The following URB1 variants were observed in gnomAD, a reference collection of about 807,000 sequenced individuals.
URB1 encodes nucleolar pre-ribosomal-associated protein 1.
In URB1, 197 loss-of-function variants were observed where a neutral mutation model predicts 242.3. The observed-to-expected ratio is 0.81, with a 90% CI of 0.72 to 0.91. The LOEUF (loss-of-function observed/expected upper bound fraction) is 0.91, where lower values mean the gene tolerates loss of function less well. Ranked by LOEUF, URB1 falls within the 40% of genes least tolerant of loss-of-function variation. URB1 has a pLI of 0.00. For missense variants in URB1, 2,721 were observed against 2,860.5 expected, an observed-to-expected ratio of 0.95 and a Z score of 1.11; for synonymous variants, 1,153 against 1,201.8, an observed-to-expected ratio of 0.96 and a Z score of 0.84.
intron 20 of URB1, among the ~76,000 whole-genome samples, chr21:32,350,439 G>C (rs1297569754): frequency 6.6e-6 from 1 of 152,230 alleles, no homozygotes; most frequent in African/African-American, 2.4e-5. Flanking sequence ...AGGCCCGGCA[G>C]GGCTGCCAAC....
chr21:32,316,243 G>T (rs530162434), intron 38 of URB1, among the ~76,000 whole-genome samples: 35 of 152,314 alleles, frequency 2.3e-4, no homozygotes, highest in African/African-American at 8.2e-4. Flanking sequence ...AGCACCAAAG[G>T]TTTCCCCTGC....
chr21:32,354,840 A>C lies in URB1; in HGVS notation c.2245+19T>G, dbSNP rs1376492114. ...TGGTCTTCAGACCTCTGAGCAGCGC[A>C]GAACAGAATGGAACATACCGTCAAT... On this transcript the variant is annotated intron_variant, in intron 17 of 38. Transcript: ENST00000382751. 5 of 1,551,358 alleles carry C rather than the reference A, an allele frequency of 3.2e-6. No individual in the cohort carries two copies. Among genetic ancestry groups the C allele is most frequent in the Non-Finnish European group, 4.4e-6 (5 of 1,146,556 alleles).
At chr21:32,325,899 G>GCAACCCTAGCTCTTCCTT (rs1205724172) in intron 30 of URB1, among the ~76,000 whole-genome samples, 9 of 152,204 alleles carry the variant, frequency 5.9e-5, no homozygotes, top group Non-Finnish European at 1.0e-4. Flanking sequence ...CACCCACTCT[G>GCAACCCTAGCTCTTCCTT]CAACCCTAGC....
chr21:32,357,738 T>G, intron 14 of URB1, 82 bp from the exon 15 acceptor site: 4 of 1,101,142 alleles, frequency 3.6e-6, no homozygotes, highest in Non-Finnish European at 4.5e-6. Context: ...ATTAGAAACA[T>G]ACCATGGGGC....
chr21:32,349,420 C>A lies in URB1; in HGVS notation c.2896G>T (p.Val966Phe). The change falls in exon 21 of 39, where the codon GTC (valine) becomes TTC (phenylalanine). Residue 966 changes from valine (V) to phenylalanine (F), a missense_variant. Transcript: ENST00000382751. ...LFLDLLRRLV[V>F]HCEQLDAQNQ... ...TGGGCATCCAGCTGCTCACAGTGGACAACCAGGCGCCTGAGGAGATCCAGG... is the reference window on the plus strand; with the variant it reads ...TGGGCATCCAGCTGCTCACAGTGGAAAACCAGGCGCCTGAGGAGATCCAGG... 6.4e-7 allele frequency: 1 copy of A among 1,551,448 alleles called. No homozygotes were observed. Among genetic ancestry groups the A allele is most frequent in the Non-Finnish European group, 8.7e-7 (1 of 1,146,954 alleles).
chr21:32,311,423 CA>C lies in URB1; in HGVS notation c.*3494del. Reference sequence around the variant, plus strand: ...GCTCCCCTCCACCCCCCACCCCCCCCATCCTAAATCAATGTAGGAAGAAGTG... The same window carrying C: ...GCTCCCCTCCACCCCCCACCCCCCCCTCCTAAATCAATGTAGGAAGAAGTG... On this transcript the variant is annotated 3_prime_UTR_variant, in exon 39 of 39. Transcript: ENST00000382751. 1 of 292,250 alleles carries C rather than the reference CA, an allele frequency of 3.4e-6. No individual in the cohort carries two copies. Among genetic ancestry groups the C allele is most frequent in the South Asian group, 1.1e-4 (1 of 9,030 alleles). The allele number at this position is 292,250 out of a possible 1,614,324, so 18.1% of individuals were successfully genotyped here. A position where few individuals can be genotyped will look rare whatever the true frequency, so the allele number is the denominator to read the frequency against.
chr21:32,353,076 G>C (rs2033176816), intron 18 of URB1, among the ~76,000 whole-genome samples, 170 bp from the exon 19 acceptor site: 1 of 152,152 alleles, frequency 6.6e-6, no homozygotes, highest in African/African-American at 2.4e-5. Flanking sequence ...GACTGTACTA[G>C]GCTCTGTTTT....
chr21:32,333,484 T>G (rs1207244329), intron 29 of URB1, 65 bp from the exon 30 acceptor site: 2 of 1,251,948 alleles, frequency 1.6e-6, no homozygotes, highest in Non-Finnish European at 2.2e-6. Flanking sequence ...AGGTTGAGTA[T>G]CTCTTATCTG....
chr21:32,339,351 A>C (rs2033000957), intron 25 of URB1, among the ~76,000 whole-genome samples: 1 of 152,162 alleles, frequency 6.6e-6, no homozygotes, highest in Admixed American at 6.5e-5. Context: ...AGAATTTTGC[A>C]GCAAATACCC....
chr21:32,328,046 A>G (rs892509947), intron 30 of URB1, among the ~76,000 whole-genome samples: 1 of 152,256 alleles, frequency 6.6e-6, no homozygotes, highest in Non-Finnish European at 1.5e-5. Context: ...CCCATTTTCA[A>G]TATCAAGACA....
At chr21:32,317,197 G>T in intron 37 of URB1, 132 bp from the exon 38 acceptor site, 1 of 1,269,900 alleles carries the variant, frequency 7.9e-7, no homozygotes. Flanking sequence ...CTGCTCCCAC[G>T]TCAGGAGCCT....
chr21:32,317,746 A>G lies in URB1; in HGVS notation c.5964T>C (p.Ile1988=), dbSNP rs373742844. 6.4e-6 allele frequency: 10 copies of G among 1,551,698 alleles called. No individual in the cohort carries two copies. The highest frequency in any genetic ancestry group is 8.7e-6 in the Non-Finnish European group (10 of 1,147,028). Residue 1988 remains isoleucine (I), a synonymous_variant, in exon 37 of 39, where the codon ATT becomes ATC. Coordinates refer to ENST00000382751, the MANE Select transcript of URB1 (RefSeq NM_014825.3). ...VLVLLHKWSL[I]ERDLKLQEDL... ...CTTCCTGGAGCTTGAGGTCTCTTTC[A>G]ATGAGGCTCCACTTGTGCAAGAGGA... is the stretch of plus-strand genomic sequence containing the variant.
chr21:32,330,789 G>A (rs1174205141), intron 30 of URB1, among the ~76,000 whole-genome samples: 1 of 152,206 alleles, frequency 6.6e-6, no homozygotes, highest in Non-Finnish European at 1.5e-5. Flanking sequence ...GGGCAATTAA[G>A]ATATCCATTT....
chr21:32,350,991 C>T (rs2123584448), intron 19 of URB1, 69 bp from the exon 20 acceptor site: 1 of 1,433,988 alleles, frequency 7.0e-7, no homozygotes, highest in East Asian at 2.5e-5. Context: ...GTCATAGGCA[C>T]AGGTAACACA....
chr21:32,386,414 A>G (rs930121475), intron 1 of URB1, among the ~76,000 whole-genome samples: 8 of 152,202 alleles, frequency 5.3e-5, no homozygotes, highest in African/African-American at 7.2e-5. Context: ...GACTATGCCA[A>G]TGCCTTGATC....
At chr21:32,322,154 G>A (rs2032774815) in intron 33 of URB1, among the ~76,000 whole-genome samples, 1 of 152,134 alleles carries the variant, frequency 6.6e-6, no homozygotes, top group Admixed American at 6.5e-5. Context: ...AAATACTGAA[G>A]TCAGATAAGT....
Position 32,373,721 on chromosome 21 carries a change from C to T in URB1, c.802G>A (p.Gly268Arg). ...GATGCTATGTGGTTCAATAACTGCCCCGTAAAGAAACGCACCTTCTGGGTT... is the reference window on the plus strand; with the variant it reads ...GATGCTATGTGGTTCAATAACTGCCTCGTAAAGAAACGCACCTTCTGGGTT... ...TKTQKVRFFT[G>R]QLLNHIASLY... The change falls in exon 7 of 39, where the codon GGG becomes AGG. Residue 268 changes from glycine to arginine, a missense_variant. Coordinates refer to ENST00000382751, the MANE Select transcript of URB1 (RefSeq NM_014825.3). The T allele has an allele frequency of 6.5e-7, 1 of 1,548,556 alleles. No individual in the cohort carries two copies. The highest frequency in any genetic ancestry group is 8.7e-7 in the Non-Finnish European group (1 of 1,145,912).
chr21:32,345,924 G>A (rs1163417754), intron 22 of URB1, among the ~76,000 whole-genome samples: 1 of 152,190 alleles, frequency 6.6e-6, no homozygotes, highest in Admixed American at 6.5e-5. Context: ...AATAGGGAGG[G>A]TAGCTGCTAT....
intron 20 of URB1, 108 bp downstream of exon 20, chr21:32,350,596 T>G: frequency 2.3e-6 from 3 of 1,288,548 alleles, no homozygotes; most frequent in Non-Finnish European, 3.2e-6. Context: ...GCCTCTGCAG[T>G]GAGTTCCAGG....
Sources: gnomAD v4.1 joint callset for allele counts (sites outside exome capture counted in the v4.1 genomes callset) on GRCh38, gnomAD v4.1.1 for gene constraint, MANE v1.5 for transcripts, NCBI Gene and HGNC (gene_info 2026-07-23, HGNC 2026-07-21) for gene names.